Variants in WAPL observed in about 807,000 individuals in gnomAD.
WAPL encodes the protein wings apart-like protein homolog.
WAPL carries 5 observed loss-of-function variants against 121.0 expected under a neutral mutation model. The observed-to-expected ratio is 0.04, with a 90% CI of 0.02 to 0.09. The LOEUF (loss-of-function observed/expected upper bound fraction) is 0.09, where lower values mean the gene tolerates loss of function less well. Among genes scored for constraint, WAPL ranks in the 10% least tolerant of loss-of-function variants. The pLI, the probability that WAPL is intolerant of heterozygous loss-of-function variation, is 1.00. For missense variants in WAPL, 999 were observed against 1,410.8 expected (o/e 0.71, Z 4.68); for synonymous variants, 480 against 481.5 (o/e 1.00, Z 0.04).
At chr10:86,488,919 T>C (rs1391558420) in intron 4 of WAPL, among the ~76,000 whole-genome samples, 1 of 152,170 alleles carries the variant, frequency 6.6e-6, no homozygotes, top group Non-Finnish European at 1.5e-5. Flanking sequence ...TGAAGTCTAA[T>C]GAGGAAAGGT....
chr10:86,483,172 G>C (rs1483046233), intron 4 of WAPL, among the ~76,000 whole-genome samples: 1 of 152,142 alleles, frequency 6.6e-6, no homozygotes, highest in Admixed American at 6.6e-5. Flanking sequence ...TGTAATCCTA[G>C]CATTTTGGGA....
rs11202044 is a variant in WAPL, at chr10:86,497,540, T to C, written c.1526-221A>G. ...CCCGCAAGAGAAATCATAAACCTGG[T>C]TGCTGTGTATGTGTTCTAGTCTTAT... On this transcript the variant is annotated intron_variant, in intron 3 of 18. Coordinates refer to ENST00000298767, the MANE Select transcript of WAPL (RefSeq NM_015045.5). Among the ~76,000 whole-genome samples, 1,130 of 152,334 alleles carry C rather than the reference T, an allele frequency of 7.4e-3. 15 individuals are homozygous for C. Among genetic ancestry groups the C allele is most frequent in the African/African-American group, 0.025 (1,059 of 41,576 alleles).
intron 4 of WAPL, among the ~76,000 whole-genome samples, chr10:86,492,523 T>C (rs1458856634): frequency 6.6e-6 from 1 of 151,934 alleles, no homozygotes; most frequent in Non-Finnish European, 1.5e-5. Context: ...ATGCTAAGAG[T>C]GGAGTAACCA....
intron 12 of WAPL, among the ~76,000 whole-genome samples, chr10:86,455,632 C>G (rs956659100): frequency 1.4e-5 from 2 of 147,590 alleles, no homozygotes; most frequent in African/African-American, 2.5e-5. Context: ...CGTCCTATGA[C>G]CCTGCCAAAT....
At chr10:86,473,807 G>T in intron 5 of WAPL, 71 bp downstream of exon 5, 2 of 1,190,408 alleles carry the variant, frequency 1.7e-6, no homozygotes, top group Non-Finnish European at 2.4e-6. Context: ...TACAAATTAT[G>T]AATTAAAAGA....
Position 86,477,336 on chromosome 10 carries a change from A to G in WAPL, c.1645-3363T>C, listed in dbSNP as rs148828975. On this transcript the variant is annotated intron_variant, in intron 4 of 18. Transcript: ENST00000298767. The stretch of plus-strand genomic sequence containing the variant: ...GGTATGTCACAGGCTAATTTCACTC[A>G]GTGGAAGTGATTGTGTGTACAATAT... Among the ~76,000 whole-genome samples the G allele has an allele frequency of 4.9e-3, 742 of 152,314 alleles. 7 individuals are homozygous for G. Among genetic ancestry groups the G allele is most frequent in the African/African-American group, 0.017 (694 of 41,558 alleles).
intron 4 of WAPL, among the ~76,000 whole-genome samples, chr10:86,485,137 T>C (rs1841901171): frequency 7.1e-6 from 1 of 140,488 alleles, no homozygotes; most frequent in African/African-American, 2.6e-5. Flanking sequence ...ATGTCAGTGC[T>C]TTCCAGCTCC....
chr10:86,514,850 A>C (rs767075432), intron 2 of WAPL, among the ~76,000 whole-genome samples: 3 of 152,208 alleles, frequency 2.0e-5, no homozygotes, highest in Non-Finnish European at 4.4e-5. Flanking sequence ...CCCATTCCTC[A>C]AAAGACCATA....
intron 14 of WAPL, 66 bp from the exon 15 acceptor site, chr10:86,452,197 C>A (rs191827958): frequency 6.8e-7 from 1 of 1,476,778 alleles, no homozygotes; most frequent in Non-Finnish European, 9.2e-7. Flanking sequence ...ACACAATATA[C>A]ACAATTTTTA....
intron 12 of WAPL, among the ~76,000 whole-genome samples, chr10:86,455,500 A>T (rs1191155933): frequency 6.6e-6 from 1 of 151,974 alleles, no homozygotes; most frequent in African/African-American, 2.4e-5. Flanking sequence ...GTTAAGAGTC[A>T]TCACCACTCC....
chr10:86,488,350 C>T lies in WAPL; in HGVS notation c.1644+8851G>A, dbSNP rs967038477. On this transcript the variant is annotated intron_variant, in intron 4 of 18. Coordinates refer to ENST00000298767, the MANE Select transcript of WAPL (RefSeq NM_015045.5). ...CAAGTATTTATTTCTAAATACCATTCTCCATGAACTGCAAACAGGAATCCT... is the reference window on the plus strand; with the variant it reads ...CAAGTATTTATTTCTAAATACCATTTTCCATGAACTGCAAACAGGAATCCT... 1.9e-4 allele frequency: 29 copies of T among 152,196 alleles called. 1 individual carries two copies. The highest frequency in any genetic ancestry group is 2.4e-5 in the African/African-American group (1 of 41,422). The allele number at this position is 152,196 out of a possible 1,614,324, so 9.4% of individuals were successfully genotyped here. A position where few individuals can be genotyped will look rare whatever the true frequency, so the allele number is the denominator to read the frequency against.
At chr10:86,512,937 A>G (rs1842493154) in intron 2 of WAPL, among the ~76,000 whole-genome samples, 1 of 152,156 alleles carries the variant, frequency 6.6e-6, no homozygotes, top group Admixed American at 6.6e-5. Context: ...ACATTTTAGC[A>G]ACACAACCCT....
At chr10:86,486,721 C>T (rs544191229) in intron 4 of WAPL, among the ~76,000 whole-genome samples, 24 of 152,194 alleles carry the variant, frequency 1.6e-4, no homozygotes, top group Admixed American at 1.1e-3. Context: ...TTTGGGAGGC[C>T]GAGACCGGCA....
chr10:86,479,080 C>CA (rs1841724476), intron 4 of WAPL, among the ~76,000 whole-genome samples: 1 of 151,746 alleles, frequency 6.6e-6, no homozygotes, highest in Admixed American at 6.6e-5. Flanking sequence ...GCCTGGGTGA[C>CA]AGAGTGACAC....
intron 18 of WAPL, 72 bp from the exon 19 acceptor site, chr10:86,437,680 T>C (rs1849358499): frequency 6.7e-7 from 1 of 1,499,312 alleles, no homozygotes. Flanking sequence ...TAAATAAAAG[T>C]TTACCTCTAG....
chr10:86,483,677 C>A (rs1841850583), intron 4 of WAPL, among the ~76,000 whole-genome samples: 2 of 148,308 alleles, frequency 1.3e-5, no homozygotes, highest in Non-Finnish European at 3.0e-5. Context: ...CCTTGAAGAA[C>A]TTCCAGTGGC....
At chr10:86,519,220 G>C (rs1246016474) in intron 1 of WAPL, among the ~76,000 whole-genome samples, 1 of 151,890 alleles carries the variant, frequency 6.6e-6, no homozygotes, top group Non-Finnish European at 1.5e-5. Flanking sequence ...CTATTAAAAA[G>C]TTATAGTACT....
rs962431027 is a variant in WAPL, at chr10:86,480,616, C to A, written c.1645-6643G>T. On this transcript the variant is annotated intron_variant, in intron 4 of 18. Transcript: ENST00000298767. ...ATTATCAAATTTAGAAATAAAAAAA[C>A]CGGAAGCTATAAATATCTTGAGACA... is the stretch of plus-strand genomic sequence containing the variant. Among the ~76,000 whole-genome samples, 35 of 131,870 alleles carry A rather than the reference C, an allele frequency of 2.7e-4. No homozygotes were observed. The Admixed American group carries it at 2.8e-3, about 10-fold the overall frequency. The allele number at this position is 131,870 out of a possible 152,430, so 86.5% of individuals were successfully genotyped here. A position where few individuals can be genotyped will look rare whatever the true frequency, so the allele number is the denominator to read the frequency against.
At position 86,500,089 on chromosome 10, in the gene WAPL, G is replaced by A; in HGVS notation, c.1154C>T (p.Thr385Ile). Reference protein sequence around the residue: ...DTMERSMDEFTASTPADLGEA... With the variant: ...DTMERSMDEFIASTPADLGEA... ...TCCCAAATCTGCAGGAGTGGATGCA[G>A]TGAACTCATCCATGCTGCGTTCCAT... is the stretch of plus-strand genomic sequence containing the variant. The change falls in exon 3 of 19, where the codon ACT becomes ATT. Residue 385 changes from threonine (T) to isoleucine (I), a missense_variant. Transcript: ENST00000298767. 1.2e-6 allele frequency: 2 copies of A among 1,614,152 alleles called. No homozygotes were observed. Among genetic ancestry groups the A allele is most frequent in the Non-Finnish European group, 1.7e-6 (2 of 1,180,030 alleles).
Sources: allele counts gnomAD v4.1 joint callset (sites outside exome capture counted in the v4.1 genomes callset), GRCh38; gene constraint gnomAD v4.1.1; transcripts MANE v1.5; gene names NCBI Gene and HGNC (gene_info 2026-07-23, HGNC 2026-07-21).